The following SLC35B4 variants were observed in gnomAD, a reference collection of about 807,000 sequenced individuals.
SLC35B4 encodes the protein solute carrier family 35 member B4.
A neutral mutation model predicts 39.5 loss-of-function variants in SLC35B4; 28 were observed. That is an observed-to-expected ratio of 0.71 (90% CI 0.53 to 0.97). The LOEUF is 0.97. SLC35B4 is among the 50% of genes least tolerant of loss of function. SLC35B4 has a pLI of 0.00. For missense variants in SLC35B4, 334 were observed against 414.3 expected (o/e 0.81, Z 1.68); for synonymous variants, 145 against 150.4 (o/e 0.96, Z 0.26).
Position 134,294,706 on chromosome 7 carries a change from A to G in SLC35B4, c.*127T>C. The G allele has an allele frequency of 8.1e-7, 1 of 1,237,890 alleles. No individual in the cohort carries two copies. Among genetic ancestry groups the G allele is most frequent in the Non-Finnish European group, 1.1e-6 (1 of 897,732 alleles). The allele number at this position is 1,237,890 out of a possible 1,614,324, so 76.7% of individuals were successfully genotyped here. On this transcript the variant is annotated 3_prime_UTR_variant, in exon 10 of 10. Coordinates refer to ENST00000378509, the MANE Select transcript of SLC35B4 (RefSeq NM_032826.5). Reference sequence around the variant, plus strand: ...AGCAACGTGAGAAGTCCCCTCCTGAAGATTTCCTTTTGCACGGCTGGCTCA... The same window carrying G: ...AGCAACGTGAGAAGTCCCCTCCTGAGGATTTCCTTTTGCACGGCTGGCTCA...
intron 9 of SLC35B4, among the ~76,000 whole-genome samples, chr7:134,295,629 C>T (rs1803448093): frequency 6.6e-6 from 1 of 151,706 alleles, no homozygotes; most frequent in Admixed American, 6.6e-5. Context: ...TTCTGTTACT[C>T]AAGCTAGAGT....
rs1344088536 is a variant in SLC35B4, at chr7:134,290,439, AGC to A, written c.*4392_*4393del. 2.6e-5 allele frequency: 4 copies of A among 152,216 alleles called. No individual in the cohort carries two copies. Among genetic ancestry groups the A allele is most frequent in the Non-Finnish European group, 5.9e-5 (4 of 68,046 alleles). The allele number at this position is 152,216 out of a possible 1,614,324, so 9.4% of individuals were successfully genotyped here. On this transcript the variant is annotated 3_prime_UTR_variant, in exon 10 of 10. Coordinates refer to ENST00000378509, the MANE Select transcript of SLC35B4 (RefSeq NM_032826.5). ...AGCATTCATTTATTCACATAACATA[AGC>A]CAGACACTATGCCAGGGGCTGGCGA...
intron 6 of SLC35B4, among the ~76,000 whole-genome samples, chr7:134,301,246 C>T (rs906277214): frequency 5.9e-5 from 9 of 152,204 alleles, no homozygotes; most frequent in African/African-American, 1.7e-4. Flanking sequence ...CAAAGCTCTA[C>T]AGGAGCTGCC....
chr7:134,300,058 C>T, intron 7 of SLC35B4, 94 bp downstream of exon 7: 1 of 916,444 alleles, frequency 1.1e-6, no homozygotes, highest in Non-Finnish European at 1.7e-6. Context: ...CAATAATACA[C>T]CTTCAACTAC....
intron 8 of SLC35B4, among the ~76,000 whole-genome samples, chr7:134,298,857 G>A (rs369159751): frequency 1.5e-4 from 23 of 152,232 alleles, no homozygotes; most frequent in African/African-American, 4.8e-4. Flanking sequence ...TTTTAAAAAC[G>A]TTTATTTGTT....
Position 134,294,709 on chromosome 7 carries a change from T to C in SLC35B4, c.*124A>G. On this transcript the variant is annotated 3_prime_UTR_variant, in exon 10 of 10. Transcript: ENST00000378509. Reference sequence around the variant, plus strand: ...AACGTGAGAAGTCCCCTCCTGAAGATTTCCTTTTGCACGGCTGGCTCAGCA... The same window carrying C: ...AACGTGAGAAGTCCCCTCCTGAAGACTTCCTTTTGCACGGCTGGCTCAGCA... 3.9e-6 allele frequency: 5 copies of C among 1,287,114 alleles called. No individual in the cohort carries two copies. The highest frequency in any genetic ancestry group is 5.3e-6 in the Non-Finnish European group (5 of 941,080). 79.7% of individuals were successfully genotyped at this position (1,287,114 alleles called of 1,614,324 possible).
chr7:134,306,002 G>A (rs1469825125), intron 3 of SLC35B4, among the ~76,000 whole-genome samples: 1 of 152,120 alleles, frequency 6.6e-6, no homozygotes, highest in Admixed American at 6.5e-5. Flanking sequence ...GTCATGCAAG[G>A]ATCTCTCTGT....
In SLC35B4 at chr7:134,306,705, G is replaced by A. The variant is rs1292407414; in HGVS notation, c.261C>T (p.Asn87=). 6.2e-7 allele frequency: 1 copy of A among 1,614,076 alleles called. No individual in the cohort carries two copies. The highest frequency in any genetic ancestry group is 2.2e-5 in the East Asian group (1 of 44,876). ...SVVNNYALNL[N]IAMPLHMIFR... ...ATATCATATGCAGGGGCATGGCAAT[G>A]TTGAGATTCAGGGCATAGTTGTTCA... The change falls in exon 3 of 10, where the codon AAC becomes AAT. Residue 87 remains asparagine (N), a synonymous_variant. Coordinates refer to ENST00000378509, the MANE Select transcript of SLC35B4 (RefSeq NM_032826.5).
chr7:134,318,737 T>C (rs1180298305), upstream of SLC35B4, among the ~76,000 whole-genome samples: 3 of 152,228 alleles, frequency 2.0e-5, no homozygotes, highest in Admixed American at 6.5e-5. Flanking sequence ...TAAACATTTC[T>C]CATTACATCT....
rs750329014 is a variant in SLC35B4 at position 134,296,480 on chromosome 7, A to G, written c.674-14T>C. ...TTTCATATAACTCTGTAGAGGTTAC[A>G]AGAGGATATAGCCATATTGCTTTTT... On this transcript the variant is annotated splice_polypyrimidine_tract_variant and intron_variant, in intron 8 of 9. Coordinates refer to ENST00000378509, the MANE Select transcript of SLC35B4 (RefSeq NM_032826.5). The G allele has an allele frequency of 3.1e-6, 5 of 1,600,536 alleles. No individual in the cohort carries two copies. The Admixed American group carries it at 8.4e-5, about 27-fold the overall frequency.
upstream of SLC35B4, among the ~76,000 whole-genome samples, chr7:134,320,308 G>C (rs1336528654): frequency 2.0e-5 from 3 of 152,092 alleles, no homozygotes; most frequent in Non-Finnish European, 4.4e-5. Context: ...TCTTGACATG[G>C]TGTCTCTTAG....
chr7:134,318,309 GGAA>G (rs1804041264), upstream of SLC35B4, among the ~76,000 whole-genome samples: 3 of 152,252 alleles, frequency 2.0e-5, no homozygotes, highest in African/African-American at 4.8e-5. Context: ...AAGGTGAGTA[GGAA>G]GAAGAACTAA....
In SLC35B4 at chr7:134,291,036, C is replaced by T; in HGVS notation, c.*3797G>A. On this transcript the variant is annotated 3_prime_UTR_variant, in exon 10 of 10. Coordinates refer to ENST00000378509, the MANE Select transcript of SLC35B4 (RefSeq NM_032826.5). ...TTCCCCTCTCCATAGGTATCTGGCA[C>T]TGTTGAGTGAAGCCAGTTAATGGGA... The T allele has an allele frequency of 6.6e-6, 1 of 152,174 alleles. No homozygotes were observed. The highest frequency in any genetic ancestry group is 2.1e-4 in the South Asian group (1 of 4,822). The allele number at this position is 152,174 out of a possible 1,614,324, so 9.4% of individuals were successfully genotyped here. A position where few individuals can be genotyped will look rare whatever the true frequency, so the allele number is the denominator to read the frequency against.
chr7:134,301,761 C>T lies in SLC35B4; in HGVS notation c.487G>A (p.Gly163Ser). The change falls in exon 6 of 10, where the codon GGT (glycine) becomes AGT (serine). Residue 163 changes from glycine to serine, a missense_variant and splice_region_variant. By Grantham distance (56) the Gly-to-Ser change is moderately conservative. Transcript: ENST00000378509. ...GCTTTATTATAATTATTGTACTTGC[C>T]TAGTAACCACCACACAAATGCCTGG... ...GFQAFVWWLL[G>S]IGALTFALLM... The T allele has an allele frequency of 6.2e-7, 1 of 1,613,550 alleles. No individual in the cohort carries two copies. Among genetic ancestry groups the T allele is most frequent in the East Asian group, 2.2e-5 (1 of 44,876 alleles).
rs562343237 is a variant in SLC35B4 at position 134,300,370 on chromosome 7, A to G, written c.488-109T>C. The G allele has an allele frequency of 1.8e-4, 131 of 721,366 alleles. No individual in the cohort carries two copies. The African/African-American group carries it at 2.0e-3, about 11-fold the overall frequency. The allele number at this position is 721,366 out of a possible 1,614,324, so 44.7% of individuals were successfully genotyped here. A position where few individuals can be genotyped will look rare whatever the true frequency, so the allele number is the denominator to read the frequency against. On this transcript the variant is annotated intron_variant, in intron 6 of 9. Coordinates refer to ENST00000378509, the MANE Select transcript of SLC35B4 (RefSeq NM_032826.5). The stretch of plus-strand genomic sequence containing the variant: ...CCTGCAAATATTATGAACTAATTGT[A>G]GAACATGTACAAAACTGTAAAAAGA...
At chr7:134,312,668 CAT>C (rs554940647) in intron 1 of SLC35B4, among the ~76,000 whole-genome samples, 13 of 152,290 alleles carry the variant, frequency 8.5e-5, no homozygotes, top group South Asian at 2.1e-4. Context: ...ATTCACATGA[CAT>C]GTGTATTCGC....
At chr7:134,295,694 T>C (rs1283673537) in intron 9 of SLC35B4, among the ~76,000 whole-genome samples, 2 of 152,074 alleles carry the variant, frequency 1.3e-5, no homozygotes. Flanking sequence ...TGAGCGATCC[T>C]CCCACCTCAG....
At chr7:134,309,341 TAA>T (rs1803780214) in intron 2 of SLC35B4, 23 bp downstream of exon 2, 2 of 1,490,312 alleles carry the variant, frequency 1.3e-6, no homozygotes, top group African/African-American at 1.4e-5. Flanking sequence ...ATCCAAAAGC[TAA>T]AAGAGACTCT....
In SLC35B4 at chr7:134,301,789, T is replaced by A. The variant is rs745658760; in HGVS notation, c.459A>T (p.Gly153=). ...TSQSSLSEND[G]FQAFVWWLLG... is the part of the protein sequence containing the mutation. The stretch of plus-strand genomic sequence containing the variant: ...GTAACCACCACACAAATGCCTGGAA[T>A]CCATCATTCTCACTCAAGCTGGACT... Residue 153 remains glycine (G), a synonymous_variant, in exon 6 of 10, where the codon GGA becomes GGT. Coordinates refer to ENST00000378509, the MANE Select transcript of SLC35B4 (RefSeq NM_032826.5). 1.2e-5 allele frequency: 19 copies of A among 1,613,972 alleles called. No individual in the cohort carries two copies. Among genetic ancestry groups the A allele is most frequent in the Non-Finnish European group, 1.5e-5 (18 of 1,179,964 alleles).
Sources: gnomAD v4.1 joint callset for allele counts (sites outside exome capture counted in the v4.1 genomes callset) on GRCh38, gnomAD v4.1.1 for gene constraint, MANE v1.5 for transcripts, NCBI Gene and HGNC (gene_info 2026-07-23, HGNC 2026-07-21) for gene names.